CPEB3: variants seen among roughly 807,000 people sequenced by gnomAD.
CPEB3 encodes the protein cytoplasmic polyadenylation element binding protein 3, also known as cytoplasmic polyadenylation element-binding protein 3.
A neutral mutation model predicts 67.2 loss-of-function variants in CPEB3; 20 were observed. The observed-to-expected ratio is 0.30, with a 90% CI of 0.21 to 0.43. CPEB3 has a LOEUF of 0.43. CPEB3 is among the 20% of genes least tolerant of loss of function. The pLI is 1.00. For missense variants in CPEB3, 746 were observed against 968.6 expected (o/e 0.77, Z 3.05); for synonymous variants, 376 against 393.1 (o/e 0.96, Z 0.51).
intron 6 of CPEB3, among the ~76,000 whole-genome samples, chr10:92,135,583 C>A (rs1187078984): frequency 6.6e-6 from 1 of 152,096 alleles, no homozygotes; most frequent in Non-Finnish European, 1.5e-5. Flanking sequence ...CTAGTTCAAC[C>A]ATTGTGGAAG....
At chr10:92,271,084 G>A (rs966863821) in intron 1 of CPEB3, among the ~76,000 whole-genome samples, 2 of 152,122 alleles carry the variant, frequency 1.3e-5, no homozygotes, top group African/African-American at 2.4e-5. Flanking sequence ...TCAGGAGGCC[G>A]AGGCAGGAGA....
intron 6 of CPEB3, among the ~76,000 whole-genome samples, chr10:92,125,815 C>T (rs1845587646): frequency 6.6e-6 from 1 of 151,952 alleles, no homozygotes. Flanking sequence ...CTTTACCTCC[C>T]CAGGCTCAGG....
chr10:92,140,740 G>A (rs1846367820), intron 6 of CPEB3, among the ~76,000 whole-genome samples: 1 of 125,848 alleles, frequency 7.9e-6, no homozygotes, highest in Non-Finnish European at 1.6e-5. Flanking sequence ...ATCTGACAAA[G>A]GGCTAATATC....
At chr10:92,160,862 A>G (rs1847439673) in intron 4 of CPEB3, among the ~76,000 whole-genome samples, 1 of 152,206 alleles carries the variant, frequency 6.6e-6, no homozygotes, top group South Asian at 2.1e-4. Context: ...GGACAGAGGA[A>G]GAGTTACAAA....
chr10:92,156,206 G>C (rs923800193), intron 4 of CPEB3, among the ~76,000 whole-genome samples: 1 of 152,086 alleles, frequency 6.6e-6, no homozygotes, highest in Admixed American at 6.6e-5. Flanking sequence ...TCCTGGAAAG[G>C]GTAAGGTTTG....
intron 1 of CPEB3, among the ~76,000 whole-genome samples, chr10:92,247,902 T>G (rs772687572): frequency 3.3e-4 from 50 of 152,296 alleles, no homozygotes; most frequent in Middle Eastern, 6.8e-3. Context: ...TTTTTGTTTT[T>G]GTTTTTCTTT....
Position 92,052,077 on chromosome 10 carries a change from A to AATG in CPEB3, c.*134_*135insCAT, listed in dbSNP as rs987990380. 3.3e-6 allele frequency: 2 copies of AATG among 605,668 alleles called. No homozygotes were observed. The highest frequency in any genetic ancestry group is 5.9e-6 in the Non-Finnish European group (2 of 340,280). 37.5% of individuals were successfully genotyped at this position (605,668 alleles called of 1,614,324 possible). A position where few individuals can be genotyped will look rare whatever the true frequency, so the allele number is the denominator to read the frequency against. ...GACTGTAAATAATAATAATAATAAT[A>AATG]AAAAGACCCAATTCTTCTTTAAAAA... On this transcript the variant is annotated 3_prime_UTR_variant, in exon 10 of 10. Transcript: ENST00000265997.
chr10:92,269,895 CA>C (rs1255635275), intron 1 of CPEB3, among the ~76,000 whole-genome samples: 1 of 152,100 alleles, frequency 6.6e-6, no homozygotes, highest in Non-Finnish European at 1.5e-5. Context: ...CCTCCCTTAT[CA>C]AATCCTAGGT....
intron 1 of CPEB3, among the ~76,000 whole-genome samples, chr10:92,258,920 A>G (rs1852664161): frequency 6.6e-6 from 1 of 150,380 alleles, no homozygotes; most frequent in African/African-American, 2.5e-5. Context: ...AGCCTCCCAA[A>G]GTGCTGGGAT....
intron 2 of CPEB3, among the ~76,000 whole-genome samples, chr10:92,216,048 C>CA (rs1046898672): frequency 2.9e-4 from 5 of 17,276 alleles, no homozygotes; most frequent in African/African-American, 1.1e-3. Flanking sequence ...GCGCCCAGCT[C>CA]ATTTTTTTTT....
intron 8 of CPEB3, among the ~76,000 whole-genome samples, chr10:92,089,076 C>T (rs1374920292): frequency 1.3e-5 from 2 of 152,142 alleles, no homozygotes; most frequent in South Asian, 2.1e-4. Flanking sequence ...GCCAGTAATA[C>T]AGTAGATGCT....
At chr10:92,176,642 T>C (rs918931002) in intron 4 of CPEB3, among the ~76,000 whole-genome samples, 4 of 152,250 alleles carry the variant, frequency 2.6e-5, no homozygotes, top group African/African-American at 9.6e-5. Flanking sequence ...ATTTTCTACT[T>C]GGAAAAAGAG....
chr10:92,116,127 T>C (rs1845013075), intron 6 of CPEB3, among the ~76,000 whole-genome samples: 1 of 150,822 alleles, frequency 6.6e-6, no homozygotes, highest in Non-Finnish European at 1.5e-5. Flanking sequence ...GTCCAAGGCA[T>C]AAGGAACAAG....
intron 1 of CPEB3, among the ~76,000 whole-genome samples, chr10:92,279,602 G>A (rs1164779672): frequency 3.3e-5 from 5 of 152,070 alleles, no homozygotes; most frequent in Non-Finnish European, 1.5e-5. Context: ...TTTCTGTAAA[G>A]GCTTGAGATC....
chr10:92,095,926 A>G (rs561452159), intron 7 of CPEB3, among the ~76,000 whole-genome samples: 1 of 151,496 alleles, frequency 6.6e-6, no homozygotes, highest in South Asian at 2.1e-4. Flanking sequence ...CCCAGGCTGG[A>G]GTGCAGTGGC....
chr10:92,072,689 T>C (rs1164700498), intron 9 of CPEB3, among the ~76,000 whole-genome samples: 1 of 152,226 alleles, frequency 6.6e-6, no homozygotes, highest in Non-Finnish European at 1.5e-5. Context: ...TGTTTTGTTT[T>C]GTTCAACTAC....
intron 8 of CPEB3, 61 bp from the exon 9 acceptor site, chr10:92,081,562 A>G: frequency 7.1e-7 from 1 of 1,407,626 alleles, no homozygotes; most frequent in Non-Finnish European, 9.8e-7. Context: ...CTTGCCCAGG[A>G]GAAGGAAGAA....
At chr10:92,251,213 AC>A (rs1852289023) in intron 1 of CPEB3, among the ~76,000 whole-genome samples, 1 of 152,182 alleles carries the variant, frequency 6.6e-6, no homozygotes, top group Non-Finnish European at 1.5e-5. Context: ...GTGTAAGTAC[AC>A]TTTATGACAA....
intron 1 of CPEB3, among the ~76,000 whole-genome samples, chr10:92,287,134 T>TG (rs1399634562): frequency 1.2e-5 from 1 of 81,736 alleles, no homozygotes; most frequent in East Asian, 2.5e-4. Context: ...TATCATAGAC[T>TG]TTTTTTTTTT....
Sources: gnomAD v4.1 joint callset for allele counts (sites outside exome capture counted in the v4.1 genomes callset) on GRCh38, gnomAD v4.1.1 for gene constraint, MANE v1.5 for transcripts, NCBI Gene and HGNC (gene_info 2026-07-23, HGNC 2026-07-21) for gene names.